Variants in CDC14A observed in about 807,000 individuals in gnomAD.
CDC14A encodes the protein cell division cycle 14A, also known as dual specificity protein phosphatase CDC14A.
CDC14A carries 53 observed loss-of-function variants against 74.4 expected under a neutral mutation model. The observed-to-expected ratio is 0.71, with a 90% confidence interval of 0.57 to 0.89. CDC14A has a LOEUF of 0.89. Among genes scored for constraint, CDC14A ranks in the 40% least tolerant of loss-of-function variants. CDC14A has a pLI of 0.00. For missense variants in CDC14A, 646 were observed against 713.7 expected, an observed-to-expected ratio of 0.91 and a Z score of 1.08; for synonymous variants, 247 against 258.4, an observed-to-expected ratio of 0.96 and a Z score of 0.43.
chr1:100,377,802 A>C (rs1655497282), intron 3 of CDC14A, among the ~76,000 whole-genome samples, 181 bp downstream of exon 3: 2 of 152,250 alleles, frequency 1.3e-5, no homozygotes, highest in Non-Finnish European at 2.9e-5. Context: ...GGACATGTTA[A>C]CCTCTTTCAG....
chr1:100,394,968 A>G (rs1047469289), intron 4 of CDC14A, among the ~76,000 whole-genome samples: 3 of 152,192 alleles, frequency 2.0e-5, no homozygotes, highest in Admixed American at 2.0e-4. Flanking sequence ...TTCTGGGGGA[A>G]TCTTCTCTGG....
intron 4 of CDC14A, among the ~76,000 whole-genome samples, chr1:100,412,723 T>TATATATTTATATATATATATA (rs1491148182): frequency 3.6e-5 from 3 of 83,760 alleles, no homozygotes; most frequent in Admixed American, 1.2e-4. Flanking sequence ...TATATATATA[T>TATATATTTATATATATATATA]TTTATATATA....
At chr1:100,346,537 TG>T (rs961307887) in intron 1 of CDC14A, among the ~76,000 whole-genome samples, 12 of 149,618 alleles carry the variant, frequency 8.0e-5, no homozygotes, top group African/African-American at 2.7e-4. Flanking sequence ...GAGCCTGAGA[TG>T]GGGGAATCAT....
chr1:100,417,934 T>C (rs535232733), intron 4 of CDC14A, among the ~76,000 whole-genome samples: 1 of 152,322 alleles, frequency 6.6e-6, no homozygotes, highest in East Asian at 1.9e-4. Context: ...GCTTGGTTAC[T>C]TGAGCTCCAG....
chr1:100,392,932 A>G (rs764085824), intron 4 of CDC14A: 12 of 743,946 alleles, frequency 1.6e-5, no homozygotes, highest in Middle Eastern at 8.4e-4. Flanking sequence ...AAACATTTAA[A>G]CATCAATGGT....
chr1:100,433,457 C>A (rs555318225), intron 5 of CDC14A, among the ~76,000 whole-genome samples: 1 of 152,180 alleles, frequency 6.6e-6, no homozygotes, highest in Non-Finnish European at 1.5e-5. Context: ...TCCTTTCCAA[C>A]CCATTGCTCT....
chr1:100,394,046 C>G, intron 4 of CDC14A: 1 of 244,256 alleles, frequency 4.1e-6, no homozygotes, highest in Non-Finnish European at 7.9e-6. Flanking sequence ...CTCAGGTTTG[C>G]CCTACTCTTC....
intron 7 of CDC14A, among the ~76,000 whole-genome samples, chr1:100,447,413 G>A (rs1159026474): frequency 6.6e-6 from 1 of 152,190 alleles, no homozygotes; most frequent in South Asian, 2.1e-4. Flanking sequence ...GCCCCGATCA[G>A]ACATGAAATT....
rs943982723 is a variant in CDC14A, at chr1:100,520,029, T to G, written c.*1749T>G. 3.3e-5 allele frequency: 5 copies of G among 152,476 alleles called. No individual in the cohort carries two copies. The highest frequency in any genetic ancestry group is 7.4e-5 in the Non-Finnish European group (5 of 67,942). 9.4% of individuals were successfully genotyped at this position (152,476 alleles called of 1,614,324 possible). A position where few individuals can be genotyped will look rare whatever the true frequency, so the allele number is the denominator to read the frequency against. On this transcript the variant is annotated 3_prime_UTR_variant, in exon 16 of 16. Coordinates refer to ENST00000336454, the MANE Select transcript of CDC14A (RefSeq NM_003672.4). ...ACTGTAAATTTCCCATAATTATGTG[T>G]GTATATGTGTCATATGTATGTACAT...
At chr1:100,507,605 A>G (rs1300950476) in intron 15 of CDC14A, among the ~76,000 whole-genome samples, 4 of 150,242 alleles carry the variant, frequency 2.7e-5, no homozygotes, top group Non-Finnish European at 4.4e-5. Context: ...CGGCTCCACT[A>G]TCTTTTTGGA....
intron 3 of CDC14A, among the ~76,000 whole-genome samples, chr1:100,386,165 T>TAAAA (rs559078931): frequency 2.1e-5 from 3 of 140,708 alleles, no homozygotes; most frequent in African/African-American, 7.8e-5. Flanking sequence ...AGATAGTATT[T>TAAAA]AAAAAAAAAA....
In CDC14A at chr1:100,498,225, C is replaced by G; in HGVS notation, c.1421+18C>G. ...GTAAGAAGGTAATTTTTCTCTCCCT[C>G]TTCTAAGGTGCTGGTTTGAGGTAAA... On this transcript the variant is annotated intron_variant, in intron 14 of 15. Coordinates refer to ENST00000336454, the MANE Select transcript of CDC14A (RefSeq NM_003672.4). 1 of 1,611,110 alleles carries G rather than the reference C, an allele frequency of 6.2e-7. No homozygotes were observed.
intron 3 of CDC14A, among the ~76,000 whole-genome samples, chr1:100,378,415 T>C (rs1171203011): frequency 6.6e-6 from 1 of 152,230 alleles, no homozygotes; most frequent in East Asian, 1.9e-4. Context: ...GGATAAATAC[T>C]AAATTATATT....
At chr1:100,460,491 C>T (rs1285393785) in intron 8 of CDC14A, among the ~76,000 whole-genome samples, 1 of 152,116 alleles carries the variant, frequency 6.6e-6, no homozygotes, top group East Asian at 1.9e-4. Context: ...CTCTCACCAG[C>T]CCGCCACACC....
At chr1:100,367,244 C>T (rs1408964723) in intron 2 of CDC14A, among the ~76,000 whole-genome samples, 1 of 152,212 alleles carries the variant, frequency 6.6e-6, no homozygotes, top group Non-Finnish European at 1.5e-5. Context: ...TTGTTCCAAG[C>T]TGCCCAAATA....
In CDC14A at chr1:100,424,286, C is replaced by G. The variant is rs200941208; in HGVS notation, c.374C>G (p.Pro125Arg). The change falls in exon 5 of 16, where the codon CCC becomes CGC. Residue 125 changes from proline to arginine, a missense_variant. By Grantham distance (103) the Pro-to-Arg change is moderately radical. Transcript: ENST00000336454. ...YRALLSGSNP[P>R]YLPFRDASFG... Reference sequence around the variant, plus strand: ...GCACTCCTGTCTGGCTCAAACCCCCCCTATCTTCCATTCAGGTATAACTCC... The same window carrying G: ...GCACTCCTGTCTGGCTCAAACCCCCGCTATCTTCCATTCAGGTATAACTCC... 53 of 1,613,212 alleles carry G rather than the reference C, an allele frequency of 3.3e-5. No homozygotes were observed. The highest frequency in any genetic ancestry group is 2.2e-4 in the East Asian group (10 of 44,876).
rs1238763263 is a variant in CDC14A, at chr1:100,470,464, A to C, written c.977+2370A>C. Among the ~76,000 whole-genome samples, 6 of 152,092 alleles carry C rather than the reference A, an allele frequency of 3.9e-5. No individual in the cohort carries two copies. In the East Asian group the frequency reaches 9.6e-4, roughly 24 times the overall value. On this transcript the variant is annotated intron_variant, in intron 10 of 15. Coordinates refer to ENST00000336454, the MANE Select transcript of CDC14A (RefSeq NM_003672.4). ...AATGAAAAAAAAAGAAAGAAAAAAAAACTTAGAACTAAAGAGTGAAATTAG... is the reference window on the plus strand; with the variant it reads ...AATGAAAAAAAAAGAAAGAAAAAAACACTTAGAACTAAAGAGTGAAATTAG...
At chr1:100,440,038 TA>T (rs1557761798) in intron 6 of CDC14A, 40 bp downstream of exon 6, 3 of 1,415,346 alleles carry the variant, frequency 2.1e-6, no homozygotes, top group African/African-American at 1.4e-5. Context: ...CACAGTAGTT[TA>T]AAAAAATATG....
rs1013303358 is a variant in CDC14A at position 100,500,973 on chromosome 1, T to C, written c.1755+1711T>C. Among the ~76,000 whole-genome samples, 12 of 152,076 alleles carry C rather than the reference T, an allele frequency of 7.9e-5. No individual in the cohort carries two copies. The East Asian group carries it at 2.3e-3, about 30-fold the overall frequency. On this transcript the variant is annotated intron_variant, in intron 15 of 15. Coordinates refer to ENST00000336454, the MANE Select transcript of CDC14A (RefSeq NM_003672.4). The stretch of plus-strand genomic sequence containing the variant: ...CCTAAGAGGAGCCTGGCATATCTGA[T>C]GTTCCCTGTCCTATTTTACAGGCAT...
Sources: allele counts gnomAD v4.1 joint callset (sites outside exome capture counted in the v4.1 genomes callset), GRCh38; gene constraint gnomAD v4.1.1; transcripts MANE v1.5; gene names NCBI Gene and HGNC (gene_info 2026-07-23, HGNC 2026-07-21).